PEX5L: variants seen among roughly 807,000 people sequenced by gnomAD.
PEX5L encodes the protein PEX5-related protein.
A neutral mutation model predicts 84.0 loss-of-function variants in PEX5L; 30 were observed. The ratio of observed to expected loss-of-function variants is 0.36; its 90% CI spans 0.27 to 0.48. PEX5L has a LOEUF of 0.48. Ranked by LOEUF, PEX5L falls within the 20% of genes least tolerant of loss-of-function variation. The pLI, the probability that PEX5L is intolerant of heterozygous loss-of-function variation, is 0.99. For synonymous variants in PEX5L, 270 were observed against 283.1 expected, an observed-to-expected ratio of 0.95 and a Z score of 0.46; for missense variants, 533 against 754.6, an observed-to-expected ratio of 0.71 and a Z score of 3.44.
At chr3:179,978,209 T>C (rs1785995544) in intron 1 of PEX5L, among the ~76,000 whole-genome samples, 1 of 152,192 alleles carries the variant, frequency 6.6e-6, no homozygotes. Flanking sequence ...AATGCTGGTT[T>C]TTCTACCTTT....
At chr3:179,805,151 T>C (rs1196967878) in intron 14 of PEX5L, among the ~76,000 whole-genome samples, 1 of 135,626 alleles carries the variant, frequency 7.4e-6, no homozygotes, top group East Asian at 2.0e-4. Flanking sequence ...ATGGTCTTTT[T>C]TTTTTTTTTT....
intron 2 of PEX5L, among the ~76,000 whole-genome samples, chr3:179,958,033 C>T (rs1781024096): frequency 6.6e-6 from 1 of 152,176 alleles, no homozygotes; most frequent in Non-Finnish European, 1.5e-5. Flanking sequence ...CTCTCACACA[C>T]ATACACACAC....
intron 8 of PEX5L, among the ~76,000 whole-genome samples, chr3:179,855,018 C>T (rs1350745883): frequency 6.6e-6 from 1 of 152,118 alleles, no homozygotes; most frequent in Non-Finnish European, 1.5e-5. Flanking sequence ...GAACCTGCCA[C>T]CTGAAGATCG....
intron 1 of PEX5L, among the ~76,000 whole-genome samples, chr3:180,020,527 G>A (rs1157864372): frequency 1.3e-5 from 2 of 152,054 alleles, no homozygotes; most frequent in Middle Eastern, 3.4e-3. Context: ...ACTGGGAAAA[G>A]CTTCAGATTC....
intron 2 of PEX5L, among the ~76,000 whole-genome samples, chr3:179,945,815 A>T (rs1206128054): frequency 6.6e-6 from 1 of 152,076 alleles, no homozygotes; most frequent in Non-Finnish European, 1.5e-5. Flanking sequence ...TCCGATCAAA[A>T]TTCACCTCCT....
At chr3:179,858,746 G>C (rs1020652933) in intron 8 of PEX5L, among the ~76,000 whole-genome samples, 1 of 152,086 alleles carries the variant, frequency 6.6e-6, no homozygotes, top group African/African-American at 2.4e-5. Flanking sequence ...CCATAGCATT[G>C]GTTCACCATA....
intron 7 of PEX5L, among the ~76,000 whole-genome samples, chr3:179,864,985 G>A (rs1374711373): frequency 6.6e-6 from 1 of 152,098 alleles, no homozygotes; most frequent in Non-Finnish European, 1.5e-5. Context: ...ACTTTCCTGT[G>A]AAGCCTGACC....
At chr3:179,903,147 A>G (rs1364278176) in intron 2 of PEX5L, among the ~76,000 whole-genome samples, 1 of 152,192 alleles carries the variant, frequency 6.6e-6, no homozygotes, top group East Asian at 1.9e-4. Context: ...TCAAGCCTAC[A>G]AGTATGAATA....
At chr3:179,964,252 G>A (rs1438085778) in intron 2 of PEX5L, among the ~76,000 whole-genome samples, 1 of 151,994 alleles carries the variant, frequency 6.6e-6, no homozygotes, top group African/African-American at 2.4e-5. Flanking sequence ...AGAACACGTG[G>A]TATTTCCTTT....
At chr3:179,973,810 T>C (rs1785367619) in intron 1 of PEX5L, 1 of 985,278 alleles carries the variant, frequency 1.0e-6, no homozygotes, top group East Asian at 1.1e-4. Context: ...CCAATCTAAA[T>C]AGAAGCTGGC....
chr3:179,833,823 G>A (rs996955208), intron 8 of PEX5L, among the ~76,000 whole-genome samples: 4 of 151,854 alleles, frequency 2.6e-5, no homozygotes, highest in African/African-American at 4.8e-5. Flanking sequence ...ACACACACAC[G>A]GTTTTTCATT....
At chr3:179,837,663 G>T (rs963534899) in intron 8 of PEX5L, among the ~76,000 whole-genome samples, 1 of 152,140 alleles carries the variant, frequency 6.6e-6, no homozygotes, top group East Asian at 1.9e-4. Flanking sequence ...TAACTTGTTC[G>T]CACTATCTGT....
chr3:180,033,712 G>GA lies in PEX5L; in HGVS notation c.21+2866dup, dbSNP rs1280110514. On this transcript the variant is annotated intron_variant, in intron 1 of 14. Coordinates refer to ENST00000467460, the MANE Select transcript of PEX5L (RefSeq NM_016559.3). Reference sequence around the variant, plus strand: ...TCATCATCAGTGCCCTTGGTCAAAAGAAAAAAATAAGTAAATCTAAAACAG... The same window carrying GA: ...TCATCATCAGTGCCCTTGGTCAAAAGAAAAAAAATAAGTAAATCTAAAACAG... 2.0e-5 allele frequency among the ~76,000 whole-genome samples: 3 copies of GA among 152,056 alleles called. No homozygotes were observed. In the East Asian group the frequency reaches 5.8e-4, roughly 29 times the overall value.
chr3:179,883,746 T>G (rs187598357), intron 4 of PEX5L, among the ~76,000 whole-genome samples: 1 of 152,294 alleles, frequency 6.6e-6, no homozygotes, highest in East Asian at 1.9e-4. Flanking sequence ...ATCATGCCAT[T>G]GCACTCCAGC....
At chr3:179,802,961 G>T (rs572128630) in intron 14 of PEX5L, among the ~76,000 whole-genome samples, 1 of 152,188 alleles carries the variant, frequency 6.6e-6, no homozygotes, top group South Asian at 2.1e-4. Context: ...CAATCTACAT[G>T]AAAGCTCTTA....
chr3:179,855,188 C>T (rs113203346), intron 8 of PEX5L, among the ~76,000 whole-genome samples: 7 of 152,008 alleles, frequency 4.6e-5, no homozygotes, highest in African/African-American at 4.8e-5. Context: ...GGCCAGGTGC[C>T]GATCATGAGG....
At chr3:179,907,128 A>T (rs1763493269) in intron 2 of PEX5L, among the ~76,000 whole-genome samples, 2 of 152,032 alleles carry the variant, frequency 1.3e-5, no homozygotes, top group South Asian at 4.1e-4. Flanking sequence ...TCATATGATT[A>T]CCTTTGGAAT....
chr3:179,871,129 G>C (rs1013277711), intron 7 of PEX5L, among the ~76,000 whole-genome samples: 4 of 124,404 alleles, frequency 3.2e-5, no homozygotes, highest in African/African-American at 1.3e-4. Context: ...TTTTGGCTGA[G>C]TCTCGCTCTG....
At chr3:179,974,880 T>G (rs916346889) in intron 1 of PEX5L, among the ~76,000 whole-genome samples, 15 of 152,286 alleles carry the variant, frequency 9.8e-5, no homozygotes, top group African/African-American at 3.6e-4. Context: ...TTAAATAAAC[T>G]TGCATTAAAC....
Sources: gnomAD v4.1 joint callset for allele counts (sites outside exome capture counted in the v4.1 genomes callset) on GRCh38, gnomAD v4.1.1 for gene constraint, MANE v1.5 for transcripts, NCBI Gene and HGNC (gene_info 2026-07-23, HGNC 2026-07-21) for gene names.